The following GRID2 variants were observed in gnomAD, a reference collection of about 807,000 sequenced individuals.
GRID2 encodes glutamate ionotropic receptor delta type subunit 2, also known as glutamate receptor ionotropic, delta-2.
A neutral mutation model predicts 114.8 loss-of-function variants in GRID2; 33 were observed. The observed-to-expected ratio is 0.29, with a 90% CI of 0.22 to 0.38. GRID2 has a LOEUF of 0.38. Among genes scored for constraint, GRID2 ranks in the 10% least tolerant of loss-of-function variants. The pLI is 1.00. For missense variants in GRID2, 1,184 were observed against 1,257.7 expected, an observed-to-expected ratio of 0.94 and a Z score of 0.89; for synonymous variants, 505 against 449.9, an observed-to-expected ratio of 1.12 and a Z score of -1.55.
At chr4:92,629,476 A>G (rs1361453495) in intron 2 of GRID2, among the ~76,000 whole-genome samples, 6 of 152,148 alleles carry the variant, frequency 3.9e-5, no homozygotes. Flanking sequence ...TAGGTATTCA[A>G]TTAAGCACTG....
intron 14 of GRID2, among the ~76,000 whole-genome samples, chr4:93,651,299 G>A (rs1409618458): frequency 6.6e-6 from 1 of 152,100 alleles, no homozygotes; most frequent in Non-Finnish European, 1.5e-5. Context: ...GACCAGTTTT[G>A]CAGGCAGCAC....
chr4:93,615,659 A>G (rs1578404889), intron 13 of GRID2, among the ~76,000 whole-genome samples: 1 of 151,102 alleles, frequency 6.6e-6, no homozygotes, highest in East Asian at 1.9e-4. Context: ...AAAAAAGGAA[A>G]TTGAGGAAGT....
intron 2 of GRID2, among the ~76,000 whole-genome samples, chr4:92,598,712 A>C (rs138085135): frequency 1.1e-3 from 161 of 152,272 alleles, no homozygotes; most frequent in African/African-American, 3.6e-3. Context: ...TAATATGATT[A>C]TGTGATTATT....
At chr4:93,178,821 C>A (rs567265788) in intron 4 of GRID2, among the ~76,000 whole-genome samples, 1 of 152,180 alleles carries the variant, frequency 6.6e-6, no homozygotes, top group South Asian at 2.1e-4. Context: ...ACACTACCTA[C>A]CTAGGTTCCA....
chr4:93,558,676 T>C (rs1275560926), intron 13 of GRID2, among the ~76,000 whole-genome samples: 3 of 152,166 alleles, frequency 2.0e-5, no homozygotes, highest in Admixed American at 1.3e-4. Flanking sequence ...GCTGGTACCA[T>C]TCTTTCTGAA....
chr4:92,838,112 C>T (rs1053423421), intron 2 of GRID2, among the ~76,000 whole-genome samples: 2 of 152,060 alleles, frequency 1.3e-5, no homozygotes, highest in Admixed American at 1.3e-4. Context: ...TGTTTTACCT[C>T]CTTCAATATT....
In GRID2 at chr4:93,545,734, A is replaced by C. The variant is rs533856436; in HGVS notation, c.2193+30323A>C. ...TTACATAACTGTATGCATATGTAAA[A>C]ATTAGTTGGACTATAAAGCAAATAT... On this transcript the variant is annotated intron_variant, in intron 13 of 15. Coordinates refer to ENST00000282020, the MANE Select transcript of GRID2 (RefSeq NM_001510.4). 6.6e-5 allele frequency among the ~76,000 whole-genome samples: 10 copies of C among 152,278 alleles called. No homozygotes were observed. The East Asian group carries it at 1.4e-3, about 21-fold the overall frequency.
intron 14 of GRID2, among the ~76,000 whole-genome samples, chr4:93,670,103 G>A (rs1176351183): frequency 6.6e-6 from 1 of 152,096 alleles, no homozygotes; most frequent in African/African-American, 2.4e-5. Context: ...ATGGCAAAAA[G>A]CATAATTTTT....
intron 1 of GRID2, among the ~76,000 whole-genome samples, chr4:92,410,038 A>G (rs1441153357): frequency 6.6e-6 from 1 of 152,224 alleles, no homozygotes; most frequent in Non-Finnish European, 1.5e-5. Flanking sequence ...AAGAAAATAT[A>G]AATGCTATAT....
chr4:93,647,645 G>A (rs1722228687), intron 14 of GRID2, among the ~76,000 whole-genome samples: 1 of 152,014 alleles, frequency 6.6e-6, no homozygotes, highest in Non-Finnish European at 1.5e-5. Context: ...CATCTTCTTA[G>A]GTCACAGGTT....
intron 2 of GRID2, among the ~76,000 whole-genome samples, chr4:92,605,236 T>C (rs1241650337): frequency 6.6e-6 from 1 of 152,092 alleles, no homozygotes; most frequent in Non-Finnish European, 1.5e-5. Flanking sequence ...GGAAACTGCT[T>C]AATGCTTAAA....
intron 13 of GRID2, among the ~76,000 whole-genome samples, chr4:93,526,397 T>C (rs1240015583): frequency 6.6e-6 from 1 of 152,174 alleles, no homozygotes; most frequent in Non-Finnish European, 1.5e-5. Flanking sequence ...CATTTCTTTA[T>C]AGCTGTGAGA....
At chr4:93,158,658 C>A (rs1027291730) in intron 4 of GRID2, among the ~76,000 whole-genome samples, 1 of 151,678 alleles carries the variant, frequency 6.6e-6, no homozygotes, top group Non-Finnish European at 1.5e-5. Flanking sequence ...TCTAGGAATA[C>A]AACGATCTAC....
chr4:92,545,432 A>G (rs1261946913), intron 1 of GRID2, among the ~76,000 whole-genome samples: 2 of 152,180 alleles, frequency 1.3e-5, no homozygotes, highest in Admixed American at 1.3e-4. Flanking sequence ...AATCAGCATA[A>G]TGCTTTAAAA....
intron 1 of GRID2, among the ~76,000 whole-genome samples, chr4:92,358,134 C>T (rs1229371737): frequency 6.6e-6 from 1 of 151,510 alleles, no homozygotes; most frequent in Non-Finnish European, 1.5e-5. Context: ...AACAGAGAGG[C>T]ATGATGGGTT....
intron 12 of GRID2, among the ~76,000 whole-genome samples, chr4:93,514,425 A>ACACACACG (rs1729494577): frequency 7.9e-6 from 1 of 126,302 alleles, no homozygotes; most frequent in Non-Finnish European, 1.7e-5. Context: ...TCCACAGTAC[A>ACACACACG]CACACACACA....
chr4:92,514,717 A>C (rs1169198225), intron 1 of GRID2, among the ~76,000 whole-genome samples: 1 of 151,900 alleles, frequency 6.6e-6, no homozygotes, highest in African/African-American at 2.4e-5. Context: ...GCCACTGGTC[A>C]TTTCCACATA....
chr4:93,771,253 C>T (rs1210564833), intron 15 of GRID2, among the ~76,000 whole-genome samples: 1 of 152,168 alleles, frequency 6.6e-6, no homozygotes, highest in Non-Finnish European at 1.5e-5. Flanking sequence ...CAATGGGTTT[C>T]AATTCCAAAA....
intron 1 of GRID2, among the ~76,000 whole-genome samples, chr4:92,381,734 C>T (rs1169397839): frequency 6.6e-6 from 1 of 151,962 alleles, no homozygotes; most frequent in Non-Finnish European, 1.5e-5. Flanking sequence ...GGTGGAACAT[C>T]AGTGAATTGA....
Sources: gnomAD v4.1 joint callset for allele counts (sites outside exome capture counted in the v4.1 genomes callset) on GRCh38, gnomAD v4.1.1 for gene constraint, MANE v1.5 for transcripts, NCBI Gene and HGNC (gene_info 2026-07-23, HGNC 2026-07-21) for gene names.